TAF4B: variants seen among roughly 807,000 people sequenced by gnomAD.
TAF4B encodes the protein TATA-box binding protein associated factor 4b, also known as transcription initiation factor TFIID subunit 4B.
In TAF4B, 38 loss-of-function variants were observed where a neutral mutation model predicts 86.4. The ratio of observed to expected loss-of-function variants is 0.44; its 90% confidence interval spans 0.34 to 0.58. The LOEUF is 0.58. Among genes scored for constraint, TAF4B ranks in the 20% least tolerant of loss-of-function variants. TAF4B has a pLI of 0.02. For synonymous variants in TAF4B, 388 were observed against 391.2 expected, an observed-to-expected ratio of 0.99 and a Z score of 0.10; for missense variants, 988 against 1,027.6, an observed-to-expected ratio of 0.96 and a Z score of 0.53.
intron 1 of TAF4B, among the ~76,000 whole-genome samples, chr18:26,261,172 ATTTTTTTT>A (rs71169839): frequency 0.063 from 4,877 of 76,940 alleles, 97 homozygotes; most frequent in Non-Finnish European, 0.086. Flanking sequence ...GAGCACTGTC[ATTTTTTTT>A]TTTTTTTTTT....
intron 11 of TAF4B, 94 bp from the exon 12 acceptor site, chr18:26,326,921 G>T: frequency 7.5e-7 from 1 of 1,337,856 alleles, no homozygotes; most frequent in Non-Finnish European, 9.9e-7. Flanking sequence ...TATTTATGTT[G>T]GTATTCCTGC....
intron 1 of TAF4B, among the ~76,000 whole-genome samples, chr18:26,235,956 G>A (rs563028146): frequency 6.6e-6 from 1 of 152,292 alleles, no homozygotes; most frequent in Non-Finnish European, 1.5e-5. Flanking sequence ...GCTTTTAAAT[G>A]TCTAACAATA....
intron 3 of TAF4B, among the ~76,000 whole-genome samples, chr18:26,270,155 A>G (rs1420983794): frequency 6.6e-6 from 1 of 152,222 alleles, no homozygotes; most frequent in African/African-American, 2.4e-5. Context: ...CCATTTGCAC[A>G]TTATGGCTCT....
intron 13 of TAF4B, among the ~76,000 whole-genome samples, chr18:26,336,889 ATTCT>A (rs1425470402): frequency 6.6e-6 from 1 of 152,180 alleles, no homozygotes; most frequent in Non-Finnish European, 1.5e-5. Flanking sequence ...TCTTAGATTA[ATTCT>A]TCCTTCAGCT....
chr18:26,263,890 A>G (rs2056203298), intron 1 of TAF4B, among the ~76,000 whole-genome samples: 1 of 152,130 alleles, frequency 6.6e-6, no homozygotes, highest in Admixed American at 6.5e-5. Flanking sequence ...ATAATTTTCT[A>G]CATTGTCTAA....
At chr18:26,292,432 G>T (rs909386932) in intron 8 of TAF4B, 51 bp downstream of exon 8, 2 of 1,550,952 alleles carry the variant, frequency 1.3e-6, no homozygotes, top group Non-Finnish European at 1.7e-6. Context: ...AACATGAAGG[G>T]GTTTTGTATA....
intron 5 of TAF4B, among the ~76,000 whole-genome samples, chr18:26,275,519 A>G (rs1354892553): frequency 6.6e-6 from 1 of 152,196 alleles, no homozygotes; most frequent in Non-Finnish European, 1.5e-5. Context: ...AGCTTTGTAA[A>G]GACTATAAAT....
chr18:26,334,762 G>A (rs903674485), intron 12 of TAF4B, among the ~76,000 whole-genome samples: 4 of 152,100 alleles, frequency 2.6e-5, no homozygotes, highest in East Asian at 1.9e-4. Flanking sequence ...AATAGTCCTC[G>A]AAATACCTAT....
In TAF4B at chr18:26,347,266, G is replaced by A. The variant is rs371729036; in HGVS notation, c.2317-10424G>A. On this transcript the variant is annotated intron_variant, in intron 13 of 14. Coordinates refer to ENST00000269142, the MANE Select transcript of TAF4B (RefSeq NM_005640.3). ...GCAAAACTATCCTTCAGAAATGAAGGAGAAATAAAATGTCTCACAATCAAA... is the reference window on the plus strand; with the variant it reads ...GCAAAACTATCCTTCAGAAATGAAGAAGAAATAAAATGTCTCACAATCAAA... Among the ~76,000 whole-genome samples the A allele has an allele frequency of 6.6e-5, 10 of 152,044 alleles. 1 individual carries two copies. The South Asian group carries it at 1.5e-3, about 22-fold the overall frequency.
Position 26,390,986 on chromosome 18 carries a change from C to G in TAF4B, c.*974C>G, listed in dbSNP as rs1451332586. 2 of 152,064 alleles carry G rather than the reference C, an allele frequency of 1.3e-5. No homozygotes were observed. Among genetic ancestry groups the G allele is most frequent in the East Asian group, 3.8e-4 (2 of 5,200 alleles). The allele number at this position is 152,064 out of a possible 1,614,324, so 9.4% of individuals were successfully genotyped here. A position where few individuals can be genotyped will look rare whatever the true frequency, so the allele number is the denominator to read the frequency against. ...AATCCCAAGGATAGTTTTTATAGTT[C>G]CTTCTGTCATAATATATTTTAGTTA... On this transcript the variant is annotated 3_prime_UTR_variant, in exon 15 of 15. Transcript: ENST00000269142.
At chr18:26,346,003 C>G (rs2057176088) in intron 13 of TAF4B, among the ~76,000 whole-genome samples, 1 of 152,052 alleles carries the variant, frequency 6.6e-6, no homozygotes, top group African/African-American at 2.4e-5. Context: ...TTTATTTACT[C>G]TGTCACCCAG....
At chr18:26,291,706 CA>C (rs551155639) in intron 7 of TAF4B, among the ~76,000 whole-genome samples, 45 of 111,784 alleles carry the variant, frequency 4.0e-4, no homozygotes, top group Admixed American at 6.7e-4. Flanking sequence ...GACTCTGTCT[CA>C]AAAAAAAAAA....
chr18:26,334,088 A>G (rs2057072135), intron 12 of TAF4B, among the ~76,000 whole-genome samples: 1 of 152,098 alleles, frequency 6.6e-6, no homozygotes, highest in African/African-American at 2.4e-5. Flanking sequence ...TACTATAACT[A>G]GAGTAACAAA....
intron 13 of TAF4B, among the ~76,000 whole-genome samples, chr18:26,352,295 G>C (rs1461982394): frequency 6.6e-6 from 1 of 151,778 alleles, no homozygotes; most frequent in South Asian, 2.1e-4. Context: ...TAATGATATA[G>C]GTAAGCTAAA....
At chr18:26,352,685 G>A (rs1372356048) in intron 13 of TAF4B, among the ~76,000 whole-genome samples, 1 of 152,128 alleles carries the variant, frequency 6.6e-6, no homozygotes, top group East Asian at 1.9e-4. Context: ...AAGCCCAGGA[G>A]GTGAAGGTTG....
intron 13 of TAF4B, 118 bp downstream of exon 13, chr18:26,335,349 G>T: frequency 2.4e-6 from 2 of 836,044 alleles, no homozygotes; most frequent in East Asian, 4.9e-5. Context: ...AAGCCTTGGG[G>T]AAGGACAGGA....
intron 1 of TAF4B, among the ~76,000 whole-genome samples, chr18:26,264,831 TG>T (rs759260477): frequency 6.6e-5 from 10 of 152,216 alleles, no homozygotes; most frequent in Non-Finnish European, 1.2e-4. Flanking sequence ...TGAGTTGATT[TG>T]GGGGTTCTCT....
chr18:26,327,180 A>C, intron 12 of TAF4B, 40 bp downstream of exon 12: 2 of 1,597,616 alleles, frequency 1.3e-6, no homozygotes, highest in Non-Finnish European at 1.7e-6. Flanking sequence ...GTGGCCTGGC[A>C]GTGTGGTCAG....
In TAF4B at chr18:26,315,210, T is replaced by G. The variant is rs1598792576; in HGVS notation, c.1833-19T>G. The stretch of plus-strand genomic sequence containing the variant: ...ACACACACAACCTAAAATGTATAAC[T>G]TTTTTTTTTTTCTATTAGAGATGAG... On this transcript the variant is annotated intron_variant, in intron 9 of 14. Transcript: ENST00000269142. The G allele has an allele frequency of 1.4e-6, 1 of 713,780 alleles. No individual in the cohort carries two copies. The highest frequency in any genetic ancestry group is 6.3e-5 in the African/African-American group (1 of 15,838). 44.2% of individuals were successfully genotyped at this position (713,780 alleles called of 1,614,324 possible).
Sources: gnomAD v4.1 joint callset for allele counts (sites outside exome capture counted in the v4.1 genomes callset) on GRCh38, gnomAD v4.1.1 for gene constraint, MANE v1.5 for transcripts, NCBI Gene and HGNC (gene_info 2026-07-23, HGNC 2026-07-21) for gene names.